PCDHGA4: variants seen among roughly 807,000 people sequenced by gnomAD.
PCDHGA4 encodes protocadherin gamma-A4.
A neutral mutation model predicts 54.6 loss-of-function variants in PCDHGA4; 38 were observed. The observed-to-expected ratio is 0.70, with a 90% confidence interval of 0.54 to 0.91. The LOEUF (loss-of-function observed/expected upper bound fraction) is 0.91. Among genes scored for constraint, PCDHGA4 ranks in the 40% least tolerant of loss-of-function variants. The pLI, the probability that PCDHGA4 is intolerant of heterozygous loss-of-function variation, is 0.00. For synonymous variants in PCDHGA4, 511 were observed against 512.9 expected (o/e 1.00, Z 0.05); for missense variants, 1,298 against 1,220.9 (o/e 1.06, Z -0.94).
Position 141,490,809 on chromosome 5 carries a change from C to T in PCDHGA4, c.2515-3998C>T. On this transcript the variant is annotated intron_variant, in intron 1 of 3. Transcript: ENST00000571252. The surrounding 1 kb of genome is among the most constrained non-coding windows in gnomAD (Gnocchi z 5.4). Reference sequence around the variant, plus strand: ...GGATCTTTGCCCAGCGTACCTTTGACTATGAATTGCTGCAGATGCTGCAGA... The same window carrying T: ...GGATCTTTGCCCAGCGTACCTTTGATTATGAATTGCTGCAGATGCTGCAGA... 2 of 1,613,954 alleles carry T rather than the reference C, an allele frequency of 1.2e-6. No individual in the cohort carries two copies. Among genetic ancestry groups the T allele is most frequent in the South Asian group, 2.2e-5 (2 of 91,076 alleles).
chr5:141,371,145 G>T lies in PCDHGA4; in HGVS notation c.2514+13524G>T, dbSNP rs144065486. The T allele has an allele frequency of 2.5e-6, 4 of 1,613,912 alleles. No homozygotes were observed. In the African/African-American group the frequency reaches 5.3e-5, roughly 22 times the overall value. On this transcript the variant is annotated intron_variant, in intron 1 of 3. Coordinates refer to ENST00000571252, the MANE Select transcript of PCDHGA4 (RefSeq NM_018917.4). ...TACTCAGGACATGTACAGGGTCAAT[G>T]TTGCAGAGAACCTGCCCGCTGGCTC...
At chr5:141,375,934 C>T in intron 1 of PCDHGA4, 3 of 1,613,738 alleles carry the variant, frequency 1.9e-6, no homozygotes, top group Non-Finnish European at 2.5e-6. Context: ...CAGGACTTTT[C>T]TCAGTGGGCC....
chr5:141,504,786 C>T (rs568185327), intron 2 of PCDHGA4, among the ~76,000 whole-genome samples: 1 of 152,132 alleles, frequency 6.6e-6, no homozygotes, highest in Non-Finnish European at 1.5e-5. Flanking sequence ...TCTCTTGGGG[C>T]CTCCTACATC....
chr5:141,507,296 C>T (rs1020117646), intron 3 of PCDHGA4: 1 of 141,360 alleles, frequency 7.1e-6, no homozygotes, highest in Non-Finnish European at 1.5e-5. Flanking sequence ...TCAAATGTTG[C>T]ATGAGACATA....
rs965707754 is a variant in PCDHGA4 at position 141,505,329 on chromosome 5, G to A, written c.2574-64G>A. On this transcript the variant is annotated intron_variant, in intron 2 of 3. Coordinates refer to ENST00000571252, the MANE Select transcript of PCDHGA4 (RefSeq NM_018917.4). ...ACTAGGTTTGGGAGCCCTGGGAGAG[G>A]ACAGGAGGGGCATGAGCTGTGCCGG... is the stretch of plus-strand genomic sequence containing the variant. The A allele has an allele frequency of 2.5e-6, 4 of 1,610,060 alleles. No individual in the cohort carries two copies. The African/African-American group carries it at 5.3e-5, about 22-fold the overall frequency.
chr5:141,395,237 G>C (rs760516487), intron 1 of PCDHGA4: 2 of 1,590,946 alleles, frequency 1.3e-6, no homozygotes, highest in Non-Finnish European at 8.6e-7. Flanking sequence ...ATCATGGTCA[G>C]GTGAGTTTAG....
intron 1 of PCDHGA4, chr5:141,398,058 T>C (rs921277104): frequency 2.0e-6 from 3 of 1,525,504 alleles, no homozygotes; most frequent in African/African-American, 1.4e-5. Flanking sequence ...GATCCAAAAA[T>C]CTACAATACA....
At chr5:141,443,538 G>A (rs768723399) in intron 1 of PCDHGA4, among the ~76,000 whole-genome samples, 2 of 152,118 alleles carry the variant, frequency 1.3e-5, no homozygotes, top group African/African-American at 4.8e-5. Flanking sequence ...TTTAAAGCTT[G>A]GGAAATTGTT....
intron 1 of PCDHGA4, among the ~76,000 whole-genome samples, chr5:141,359,249 C>G (rs1368630621): frequency 6.6e-6 from 1 of 151,856 alleles, no homozygotes; most frequent in Non-Finnish European, 1.5e-5. Flanking sequence ...AGTAATTAAG[C>G]CATAAAATAT....
Position 141,372,073 on chromosome 5 carries a change from C to T in PCDHGA4, c.2514+14452C>T, listed in dbSNP as rs774208540. 6.2e-7 allele frequency: 1 copy of T among 1,613,648 alleles called. No homozygotes were observed. Among genetic ancestry groups the T allele is most frequent in the East Asian group, 2.2e-5 (1 of 44,880 alleles). On this transcript the variant is annotated intron_variant, in intron 1 of 3. Coordinates refer to ENST00000571252, the MANE Select transcript of PCDHGA4 (RefSeq NM_018917.4). ...GTGGACGACCGCAACGACAATGCACCGCTGGTGCTGTACCCAGCTCTGGGG... is the reference window on the plus strand; with the variant it reads ...GTGGACGACCGCAACGACAATGCACTGCTGGTGCTGTACCCAGCTCTGGGG...
chr5:141,454,172 C>T (rs1001368287), intron 1 of PCDHGA4, among the ~76,000 whole-genome samples: 4 of 152,126 alleles, frequency 2.6e-5, no homozygotes, highest in Non-Finnish European at 5.9e-5. Context: ...TCTAGAAGGG[C>T]AGCTAAAGGA....
intron 1 of PCDHGA4, chr5:141,430,984 C>A (rs765063685): frequency 6.2e-7 from 1 of 1,613,648 alleles, no homozygotes; most frequent in South Asian, 1.1e-5. Flanking sequence ...CGCAGCTTTT[C>A]GCCCTGAATC....
At position 141,356,275 on chromosome 5, in the gene PCDHGA4, T is replaced by C; in HGVS notation, c.1168T>C (p.Ser390Pro). 6.4e-7 allele frequency: 1 copy of C among 1,560,692 alleles called. No homozygotes were observed. The highest frequency in any genetic ancestry group is 8.7e-7 in the Non-Finnish European group (1 of 1,151,794). The change falls in exon 1 of 4, where the codon TCT becomes CCT. Residue 390 changes from serine to proline, a missense_variant. Ser to Pro is a moderately conservative substitution (Grantham distance 74). Coordinates refer to ENST00000571252, the MANE Select transcript of PCDHGA4 (RefSeq NM_018917.4). ...VTSLTSSVQE[S>P]SSPGTVIALF... Reference sequence around the variant, plus strand: ...ATCTCTCACCAGCTCAGTCCAGGAATCTTCTTCCCCGGGTACAGTAATTGC... The same window carrying C: ...ATCTCTCACCAGCTCAGTCCAGGAACCTTCTTCCCCGGGTACAGTAATTGC...
chr5:141,401,503 C>A (rs755118621), intron 1 of PCDHGA4, among the ~76,000 whole-genome samples: 1 of 151,946 alleles, frequency 6.6e-6, no homozygotes, highest in Non-Finnish European at 1.5e-5. Flanking sequence ...AATCCTTTTC[C>A]ACCTCTATAT....
intron 1 of PCDHGA4, chr5:141,389,952 C>T (rs2091983675): frequency 3.1e-6 from 5 of 1,613,946 alleles, no homozygotes; most frequent in Non-Finnish European, 4.2e-6. Context: ...GCAGTTTTAC[C>T]TAGTGGTGGC....
intron 1 of PCDHGA4, chr5:141,426,194 T>C (rs1482565872): frequency 6.4e-6 from 1 of 155,380 alleles, no homozygotes; most frequent in Non-Finnish European, 1.4e-5. Context: ...ACTGGGAGCA[T>C]TGAGTTTTCT....
intron 1 of PCDHGA4, chr5:141,433,151 G>T (rs2097572071): frequency 1.2e-6 from 2 of 1,614,006 alleles, no homozygotes; most frequent in African/African-American, 1.3e-5. Context: ...AGGTGATTCG[G>T]TATTTTCTAA....
chr5:141,357,653 C>A (rs1478258336), intron 1 of PCDHGA4, 32 bp downstream of exon 1: 2 of 1,607,882 alleles, frequency 1.2e-6, no homozygotes, highest in Non-Finnish European at 1.7e-6. Context: ...TCATACCACA[C>A]TGAAATATAG....
intron 1 of PCDHGA4, chr5:141,478,106 G>T: frequency 6.2e-7 from 1 of 1,614,046 alleles, no homozygotes; most frequent in Non-Finnish European, 8.5e-7. Flanking sequence ...TACCCTCACT[G>T]TGTCAGTAAC....
Sources: gnomAD v4.1 joint callset for allele counts (sites outside exome capture counted in the v4.1 genomes callset) on GRCh38, gnomAD v4.1.1 for gene constraint, Gnocchi (gnomAD v3.1) non-coding constraint, MANE v1.5 for transcripts, NCBI Gene and HGNC (gene_info 2026-07-23, HGNC 2026-07-21) for gene names.